The following PLCH1 variants were observed in gnomAD, a reference collection of about 807,000 sequenced individuals.
PLCH1 encodes the protein 1-phosphatidylinositol 4,5-bisphosphate phosphodiesterase eta-1.
PLCH1 carries 60 observed loss-of-function variants against 126.7 expected under a neutral mutation model. That is an observed-to-expected ratio of 0.47 (90% CI 0.38 to 0.59). The LOEUF (loss-of-function observed/expected upper bound fraction) is 0.59, where lower values mean the gene tolerates loss of function less well. Among genes scored for constraint, PLCH1 ranks in the 20% least tolerant of loss-of-function variants. The pLI is 0.00. For synonymous variants in PLCH1, 719 were observed against 734.9 expected (o/e 0.98, Z 0.35); for missense variants, 1,723 against 2,040.0 (o/e 0.84, Z 2.99).
chr3:155,576,796 C>A (rs1730019077), intron 6 of PLCH1, among the ~76,000 whole-genome samples: 1 of 152,130 alleles, frequency 6.6e-6, no homozygotes, highest in South Asian at 2.1e-4. Flanking sequence ...TGTGTCCAAT[C>A]TAATAAAATA....
chr3:155,458,341 C>CA (rs552915955), intron 21 of PLCH1, among the ~76,000 whole-genome samples: 30 of 81,526 alleles, frequency 3.7e-4, no homozygotes, highest in South Asian at 9.2e-4. Flanking sequence ...GACTCCATGT[C>CA]AAAAAAAAAA....
intron 10 of PLCH1, among the ~76,000 whole-genome samples, chr3:155,546,127 A>G (rs925223031): frequency 6.6e-6 from 1 of 152,204 alleles, no homozygotes; most frequent in Non-Finnish European, 1.5e-5. Flanking sequence ...ATGTTTGTAT[A>G]TCTAGAAAAC....
intron 2 of PLCH1, among the ~76,000 whole-genome samples, chr3:155,597,499 T>C (rs954829499): frequency 3.3e-5 from 5 of 152,222 alleles, no homozygotes; most frequent in Non-Finnish European, 7.3e-5. Context: ...TACAGACTTA[T>C]GTATAAACCA....
intron 10 of PLCH1, 35 bp downstream of exon 10, chr3:155,549,752 T>C (rs747101961): frequency 1.3e-6 from 2 of 1,486,060 alleles, no homozygotes; most frequent in Admixed American, 3.5e-5. Context: ...TAGCTGATAA[T>C]GAATGTCTTT....
rs1366863552 is a variant in PLCH1, at chr3:155,484,790, CA to C, written c.2974+565del. On this transcript the variant is annotated intron_variant, in intron 22 of 22. Transcript: ENST00000460012. ...CTGGTCCCTATGCTTGTGGAGCCCA[CA>C]ACCGTGCTGAAGCTGCAGGCACACC... 2.0e-5 allele frequency among the ~76,000 whole-genome samples: 3 copies of C among 152,274 alleles called. No homozygotes were observed. In the East Asian group the frequency reaches 5.8e-4, roughly 29 times the overall value.
intron 2 of PLCH1, among the ~76,000 whole-genome samples, chr3:155,616,009 T>C (rs1173577418): frequency 6.6e-6 from 1 of 152,202 alleles, no homozygotes; most frequent in East Asian, 1.9e-4. Flanking sequence ...TCTATGGCTT[T>C]TGATAATTGT....
intron 21 of PLCH1, among the ~76,000 whole-genome samples, chr3:155,469,675 T>C (rs570854830): frequency 2.0e-5 from 3 of 151,884 alleles, no homozygotes; most frequent in African/African-American, 4.8e-5. Context: ...TAAATGTCCC[T>C]GTCTGACAGC....
rs1223575962 is a variant in PLCH1 at position 155,713,890 on chromosome 3, C to A, written c.-40-9626G>T. Reference sequence around the variant, plus strand: ...CTCCTCCCTAATATCCCAATCCATTCATCTTTTATTATAAATTAAAATAAC... The same window carrying A: ...CTCCTCCCTAATATCCCAATCCATTAATCTTTTATTATAAATTAAAATAAC... On this transcript the variant is annotated intron_variant, in intron 1 of 22. Coordinates refer to ENST00000460012, the MANE Select transcript of PLCH1 (RefSeq NM_014996.4). 6.6e-5 allele frequency among the ~76,000 whole-genome samples: 10 copies of A among 152,284 alleles called. No homozygotes were observed. In the East Asian group the frequency reaches 1.7e-3, roughly 26 times the overall value.
At chr3:155,665,904 G>A (rs1742671214) in intron 2 of PLCH1, among the ~76,000 whole-genome samples, 1 of 152,140 alleles carries the variant, frequency 6.6e-6, no homozygotes, top group Admixed American at 6.6e-5. Flanking sequence ...TAGCAGATAT[G>A]TTTAGGCATG....
rs796425612 is a variant in PLCH1 at position 155,483,153 on chromosome 3, G to A, written c.2975-102C>T. On this transcript the variant is annotated intron_variant, in intron 22 of 22. Coordinates refer to ENST00000460012, the MANE Select transcript of PLCH1 (RefSeq NM_014996.4). ...ACAGACAAATGGAGAATGTAAATCT[G>A]TTACACTGTGACAGAATATAATTAT... The A allele has an allele frequency of 3.6e-6, 4 of 1,112,700 alleles. No individual in the cohort carries two copies. In the African/African-American group the frequency reaches 6.2e-5, roughly 17 times the overall value. The allele number at this position is 1,112,700 out of a possible 1,614,324, so 68.9% of individuals were successfully genotyped here.
At chr3:155,542,185 T>C (rs545179016) in intron 10 of PLCH1, among the ~76,000 whole-genome samples, 13 of 152,252 alleles carry the variant, frequency 8.5e-5, no homozygotes, top group Non-Finnish European at 1.6e-4. Context: ...CCCACCCCAA[T>C]ACTGCGCTTT....
intron 10 of PLCH1, among the ~76,000 whole-genome samples, chr3:155,547,131 A>G (rs1725422309): frequency 2.0e-5 from 3 of 146,952 alleles, no homozygotes; most frequent in African/African-American, 7.7e-5. Context: ...AAGTTTTGCA[A>G]CCTACTCATC....
intron 10 of PLCH1, among the ~76,000 whole-genome samples, chr3:155,542,440 CT>C (rs938250458): frequency 7.2e-5 from 11 of 152,190 alleles, no homozygotes; most frequent in African/African-American, 2.2e-4. Context: ...CCTCTGTAGG[CT>C]CCACCTCTGG....
chr3:155,630,638 T>C (rs1737915339), intron 2 of PLCH1, among the ~76,000 whole-genome samples: 1 of 152,198 alleles, frequency 6.6e-6, no homozygotes, highest in Non-Finnish European at 1.5e-5. Flanking sequence ...GGCACTGTAG[T>C]TAATCACACA....
At chr3:155,684,791 T>TGAA (rs1744808344) in intron 2 of PLCH1, among the ~76,000 whole-genome samples, 2 of 152,152 alleles carry the variant, frequency 1.3e-5, no homozygotes, top group Admixed American at 6.5e-5. Flanking sequence ...AATCAACTCC[T>TGAA]TTGTCTCTCC....
At chr3:155,621,892 A>C (rs941984065) in intron 2 of PLCH1, among the ~76,000 whole-genome samples, 1 of 152,230 alleles carries the variant, frequency 6.6e-6, no homozygotes, top group Non-Finnish European at 1.5e-5. Context: ...CCAGCATTCA[A>C]ATTCAGGAAA....
intron 9 of PLCH1, among the ~76,000 whole-genome samples, chr3:155,553,443 G>A (rs929983429): frequency 2.6e-5 from 4 of 152,136 alleles, no homozygotes; most frequent in Admixed American, 2.0e-4. Context: ...TAGAACTTGA[G>A]GGGAAAGTTC....
At chr3:155,583,321 T>A in intron 6 of PLCH1, 151 bp downstream of exon 6, 1 of 593,448 alleles carries the variant, frequency 1.7e-6, no homozygotes, top group Non-Finnish European at 2.9e-6. Flanking sequence ...CTAGAAACTG[T>A]TTTAAATGAC....
intron 8 of PLCH1, among the ~76,000 whole-genome samples, chr3:155,556,979 G>GA (rs1346861364): frequency 7.2e-5 from 11 of 151,880 alleles, no homozygotes; most frequent in Non-Finnish European, 1.3e-4. Context: ...ATCCCTATGG[G>GA]AAAAAAATAG....
Sources: allele counts gnomAD v4.1 joint callset (sites outside exome capture counted in the v4.1 genomes callset), GRCh38; gene constraint gnomAD v4.1.1; transcripts MANE v1.5; gene names NCBI Gene and HGNC (gene_info 2026-07-23, HGNC 2026-07-21).